Variants in PARVA observed in about 807,000 individuals in gnomAD.
PARVA encodes alpha-parvin.
PARVA carries 25 observed loss-of-function variants against 52.6 expected under a neutral mutation model. The observed-to-expected ratio is 0.48, with a 90% CI of 0.35 to 0.66. PARVA has a LOEUF of 0.66. PARVA is among the 30% of genes least tolerant of loss of function. The pLI, the probability that PARVA is intolerant of heterozygous loss-of-function variation, is 0.01. For synonymous variants in PARVA, 185 were observed against 179.1 expected (o/e 1.03, Z -0.26); for missense variants, 373 against 450.9 (o/e 0.83, Z 1.56).
chr11:12,394,646 A>G (rs1939707857), intron 1 of PARVA, among the ~76,000 whole-genome samples: 1 of 152,188 alleles, frequency 6.6e-6, no homozygotes, highest in Admixed American at 6.5e-5. Context: ...TTGCTGTAGT[A>G]TTCTGTCTAC....
At chr11:12,474,214 A>C (rs1940973965) in intron 3 of PARVA, among the ~76,000 whole-genome samples, 1 of 152,168 alleles carries the variant, frequency 6.6e-6, no homozygotes, top group Admixed American at 6.5e-5. Flanking sequence ...AGCACCAGAC[A>C]GTTCAGTACA....
intron 12 of PARVA, among the ~76,000 whole-genome samples, chr11:12,527,245 G>A (rs190393705): frequency 3.4e-4 from 52 of 151,834 alleles, no homozygotes; most frequent in Admixed American, 2.9e-3. Context: ...AGATCCGGGG[G>A]CACGGAAGAA....
chr11:12,474,487 A>G (rs1223346377), intron 3 of PARVA, among the ~76,000 whole-genome samples: 1 of 151,932 alleles, frequency 6.6e-6, no homozygotes, highest in Non-Finnish European at 1.5e-5. Flanking sequence ...AAAACTGTTC[A>G]TTTCTCCCCT....
chr11:12,401,958 A>C (rs1939834690), intron 1 of PARVA, among the ~76,000 whole-genome samples: 2 of 152,200 alleles, frequency 1.3e-5, no homozygotes. Flanking sequence ...CAAGTTCCCC[A>C]ACTAGAGAAT....
chr11:12,460,942 G>A (rs988962249), intron 1 of PARVA, among the ~76,000 whole-genome samples: 8 of 152,162 alleles, frequency 5.3e-5, no homozygotes, highest in Non-Finnish European at 7.3e-5. Context: ...CCTCAACCCT[G>A]GAAGAGTACG....
chr11:12,382,366 CA>C (rs1939503396), intron 1 of PARVA, among the ~76,000 whole-genome samples: 1 of 148,486 alleles, frequency 6.7e-6, no homozygotes, highest in Non-Finnish European at 1.5e-5. Flanking sequence ...GCATTTGTGA[CA>C]TGAGTAACTT....
intron 1 of PARVA, among the ~76,000 whole-genome samples, chr11:12,413,469 G>T (rs566693903): frequency 6.6e-6 from 1 of 152,308 alleles, no homozygotes; most frequent in African/African-American, 2.4e-5. Flanking sequence ...GGGCTTCCTA[G>T]CATTCATGTA....
intron 4 of PARVA, 108 bp from the exon 5 acceptor site, chr11:12,496,350 G>A (rs2135059575): frequency 8.9e-7 from 1 of 1,120,858 alleles, no homozygotes; most frequent in Non-Finnish European, 1.3e-6. Context: ...TTGCAAGAGT[G>A]CATGCATGCA....
chr11:12,444,819 A>C (rs1325317943), intron 1 of PARVA, among the ~76,000 whole-genome samples: 1 of 152,218 alleles, frequency 6.6e-6, no homozygotes, highest in Admixed American at 6.5e-5. Context: ...CTAGGGGAAA[A>C]GAAAGCAGCT....
rs116746101 is a variant in PARVA, at chr11:12,526,362, T to C, written c.1043-1487T>C. On this transcript the variant is annotated intron_variant, in intron 12 of 12. Coordinates refer to ENST00000334956, the MANE Select transcript of PARVA (RefSeq NM_018222.5). ...CCTGACACCTTCCCCCACCCCTTCT[T>C]TCCCAGTGGCTTGGTGTAATTTCTC... Among the ~76,000 whole-genome samples, 650 of 152,294 alleles carry C rather than the reference T, an allele frequency of 4.3e-3. 5 individuals are homozygous for C. Among genetic ancestry groups the C allele is most frequent in the African/African-American group, 0.015 (622 of 41,570 alleles).
At chr11:12,434,224 G>T in intron 1 of PARVA, among the ~76,000 whole-genome samples, 1 of 152,160 alleles carries the variant, frequency 6.6e-6, no homozygotes, top group East Asian at 1.9e-4. Flanking sequence ...TGGGGGGCAA[G>T]GCCCACATAC....
chr11:12,478,347 G>C (rs1363755354), intron 4 of PARVA: 1 of 337,968 alleles, frequency 3.0e-6, no homozygotes, highest in African/African-American at 2.1e-5. Flanking sequence ...TCAGATGCAT[G>C]TGTGTGTGTT....
At chr11:12,478,286 G>A in intron 4 of PARVA, 2 of 384,250 alleles carry the variant, frequency 5.2e-6, no homozygotes, top group South Asian at 2.1e-5. Context: ...GCCTCTGTCG[G>A]TATATTTACA....
intron 6 of PARVA, among the ~76,000 whole-genome samples, chr11:12,504,797 T>TGTG (rs1941414868): frequency 1.8e-5 from 1 of 55,610 alleles, no homozygotes; most frequent in African/African-American, 5.2e-5. Context: ...GTGTGTGAGT[T>TGTG]TGTGTACAGG....
At chr11:12,499,142 G>C (rs1029993136) in intron 5 of PARVA, among the ~76,000 whole-genome samples, 34 of 152,018 alleles carry the variant, frequency 2.2e-4, no homozygotes, top group African/African-American at 8.2e-4. Flanking sequence ...TAAATTTCCA[G>C]AACTGAGATG....
At chr11:12,443,023 A>C (rs1256840210) in intron 1 of PARVA, among the ~76,000 whole-genome samples, 2 of 151,974 alleles carry the variant, frequency 1.3e-5, no homozygotes, top group East Asian at 3.9e-4. Flanking sequence ...CACTACGCCC[A>C]GCTAATTTTT....
intron 1 of PARVA, among the ~76,000 whole-genome samples, chr11:12,416,227 G>A: frequency 6.6e-6 from 1 of 152,204 alleles, no homozygotes; most frequent in East Asian, 1.9e-4. Flanking sequence ...GATAGAGCAT[G>A]TGTTTCACAT....
At chr11:12,388,153 C>T (rs1408350727) in intron 1 of PARVA, among the ~76,000 whole-genome samples, 2 of 152,236 alleles carry the variant, frequency 1.3e-5, no homozygotes, top group African/African-American at 2.4e-5. Context: ...AGACAGAACT[C>T]ACCAAGAGGA....
At chr11:12,422,765 TTTA>T (rs1940170049) in intron 1 of PARVA, among the ~76,000 whole-genome samples, 2 of 152,226 alleles carry the variant, frequency 1.3e-5, no homozygotes, top group African/African-American at 2.4e-5. Context: ...ACTATAAGAT[TTTA>T]TTATTATTTT....
Sources: gnomAD v4.1 joint callset for allele counts (sites outside exome capture counted in the v4.1 genomes callset) on GRCh38, gnomAD v4.1.1 for gene constraint, MANE v1.5 for transcripts, NCBI Gene and HGNC (gene_info 2026-07-23, HGNC 2026-07-21) for gene names.